MAGI1: variants seen among roughly 807,000 people sequenced by gnomAD.
The protein encoded by MAGI1 is membrane-associated guanylate kinase, WW and PDZ domain-containing protein 1.
In MAGI1, 58 loss-of-function variants were observed where a neutral mutation model predicts 139.9. That is an observed-to-expected ratio of 0.41 (90% CI 0.34 to 0.52). The LOEUF (loss-of-function observed/expected upper bound fraction) is 0.52. Among genes scored for constraint, MAGI1 ranks in the 20% least tolerant of loss-of-function variants. The probability of loss-of-function intolerance (pLI) is 0.12; values close to 1 mark genes in which losing one functional copy is unlikely to be tolerated. For missense variants in MAGI1, 1,874 were observed against 1,901.6 expected, an observed-to-expected ratio of 0.99 and a Z score of 0.27; for synonymous variants, 812 against 737.9, an observed-to-expected ratio of 1.10 and a Z score of -1.63.
chr3:65,442,788 T>A lies in MAGI1; in HGVS notation c.1136+4A>T. On this transcript the variant is annotated splice_donor_region_variant and intron_variant, in intron 8 of 22. Transcript: ENST00000402939. The stretch of plus-strand genomic sequence containing the variant: ...TAATGTGTGGATTGTGAATGGGCAC[T>A]TACTCTACATAGTAGATACCATAGA... 1 of 1,610,376 alleles carries A rather than the reference T, an allele frequency of 6.2e-7. No individual in the cohort carries two copies. The highest frequency in any genetic ancestry group is 8.5e-7 in the Non-Finnish European group (1 of 1,177,106).
intron 12 of MAGI1, among the ~76,000 whole-genome samples, chr3:65,410,791 A>G (rs1482319311): frequency 6.6e-6 from 1 of 152,228 alleles, no homozygotes; most frequent in Non-Finnish European, 1.5e-5. Flanking sequence ...CATGCTAAAA[A>G]TACAACGAGA....
intron 18 of MAGI1, among the ~76,000 whole-genome samples, chr3:65,367,609 A>G (rs574072827): frequency 2.0e-5 from 3 of 152,154 alleles, no homozygotes; most frequent in Non-Finnish European, 4.4e-5. Context: ...TTTGACTCTC[A>G]CCACTCAATA....
chr3:65,568,278 A>G (rs761723271), intron 2 of MAGI1, among the ~76,000 whole-genome samples: 1 of 152,214 alleles, frequency 6.6e-6, no homozygotes, highest in Non-Finnish European at 1.5e-5. Flanking sequence ...GCTTCATGGC[A>G]ATAAAAATAA....
chr3:65,834,823 A>G (rs1045317407), intron 1 of MAGI1, among the ~76,000 whole-genome samples: 3 of 152,234 alleles, frequency 2.0e-5, no homozygotes, highest in African/African-American at 7.2e-5. Flanking sequence ...TTTATTTATC[A>G]TTATAAAATG....
chr3:65,468,411 C>T (rs1417308630), intron 5 of MAGI1, among the ~76,000 whole-genome samples: 1 of 106,626 alleles, frequency 9.4e-6, no homozygotes, highest in Non-Finnish European at 1.7e-5. Context: ...CAGAGTCTTG[C>T]TCTGTTACCC....
At chr3:65,603,920 G>A (rs977919695) in intron 2 of MAGI1, among the ~76,000 whole-genome samples, 2 of 152,098 alleles carry the variant, frequency 1.3e-5, no homozygotes, top group Admixed American at 1.3e-4. Context: ...TGTTTAAAAG[G>A]ATCCTATTCC....
intron 1 of MAGI1, among the ~76,000 whole-genome samples, chr3:65,821,027 G>A (rs564691382): frequency 9.4e-5 from 14 of 148,424 alleles, no homozygotes; most frequent in Non-Finnish European, 1.5e-4. Context: ...CCCAGGAGCC[G>A]GGGGTCAAAT....
intron 12 of MAGI1, among the ~76,000 whole-genome samples, chr3:65,405,688 G>A (rs1332581013): frequency 1.3e-5 from 2 of 151,918 alleles, no homozygotes; most frequent in African/African-American, 2.4e-5. Context: ...TCCGCCTCCC[G>A]GGTTCAAGCA....
At chr3:65,790,991 C>A (rs1024537436) in intron 1 of MAGI1, among the ~76,000 whole-genome samples, 3 of 152,180 alleles carry the variant, frequency 2.0e-5, no homozygotes, top group Non-Finnish European at 2.9e-5. Flanking sequence ...AGGAGAATCA[C>A]TTGAGCCCAG....
chr3:65,548,916 C>A (rs1179841320), intron 2 of MAGI1, among the ~76,000 whole-genome samples: 1 of 152,178 alleles, frequency 6.6e-6, no homozygotes, highest in African/African-American at 2.4e-5. Context: ...GAAGCGGGGT[C>A]GGCGGGAACG....
intron 10 of MAGI1, among the ~76,000 whole-genome samples, chr3:65,433,981 G>T (rs1269746669): frequency 1.3e-5 from 2 of 152,020 alleles, no homozygotes; most frequent in Non-Finnish European, 2.9e-5. Context: ...TTAATTTTTT[G>T]ATTTTTTAAC....
intron 13 of MAGI1, among the ~76,000 whole-genome samples, chr3:65,396,920 G>A (rs939900310): frequency 7.9e-5 from 12 of 152,192 alleles, no homozygotes; most frequent in Admixed American, 7.9e-4. Context: ...AGTTAATGCA[G>A]AAGAAAAGGC....
At chr3:65,657,489 T>C (rs1231562042) in intron 1 of MAGI1, among the ~76,000 whole-genome samples, 3 of 150,358 alleles carry the variant, frequency 2.0e-5, no homozygotes, top group East Asian at 3.9e-4. Flanking sequence ...GTGGGGGAAG[T>C]GTCCTCTATT....
At chr3:65,818,061 T>TGTGC in intron 1 of MAGI1, among the ~76,000 whole-genome samples, 1 of 151,998 alleles carries the variant, frequency 6.6e-6, no homozygotes, top group South Asian at 2.1e-4. Flanking sequence ...TGTGTGTGTG[T>TGTGC]GTGTGTGTCT....
chr3:65,906,379 A>G (rs925622995), intron 1 of MAGI1, among the ~76,000 whole-genome samples: 1 of 152,156 alleles, frequency 6.6e-6, no homozygotes, highest in African/African-American at 2.4e-5. Context: ...CTGAAAGGGC[A>G]GCATGTCCAC....
chr3:65,884,318 A>C (rs2060448389), intron 1 of MAGI1, among the ~76,000 whole-genome samples: 1 of 152,264 alleles, frequency 6.6e-6, no homozygotes, highest in Non-Finnish European at 1.5e-5. Flanking sequence ...TGAGGTATCC[A>C]AGTGCAGACT....
chr3:66,011,051 T>G (rs1012485750), intron 1 of MAGI1, among the ~76,000 whole-genome samples: 2 of 152,196 alleles, frequency 1.3e-5, no homozygotes, highest in Non-Finnish European at 2.9e-5. Flanking sequence ...TTGCCCAAAG[T>G]CATCCCTGGC....
intron 1 of MAGI1, among the ~76,000 whole-genome samples, chr3:65,732,185 G>A (rs1047209105): frequency 6.6e-6 from 1 of 152,206 alleles, no homozygotes; most frequent in Non-Finnish European, 1.5e-5. Context: ...GAGAAGAAAA[G>A]TTCCTGCCTC....
chr3:66,037,341 C>A (rs903564637), intron 1 of MAGI1, among the ~76,000 whole-genome samples: 2 of 152,082 alleles, frequency 1.3e-5, no homozygotes, highest in African/African-American at 4.8e-5. Context: ...GGAGGGTAAA[C>A]TTGGACCCGA....
Sources: allele counts gnomAD v4.1 joint callset (sites outside exome capture counted in the v4.1 genomes callset), GRCh38; gene constraint gnomAD v4.1.1; transcripts MANE v1.5; gene names NCBI Gene and HGNC (gene_info 2026-07-23, HGNC 2026-07-21).